Variants in ARL15 observed in about 807,000 individuals in gnomAD.
The protein encoded by ARL15 is ARF like GTPase 15, also known as ADP-ribosylation factor-like protein 15.
Under a neutral mutation model 25.2 loss-of-function variants are expected in ARL15, and 19 were observed. The observed-to-expected ratio is 0.75, with a 90% CI of 0.53 to 1.10. The LOEUF (loss-of-function observed/expected upper bound fraction) is 1.10. Ranked by LOEUF, ARL15 falls within the 50% of genes least tolerant of loss-of-function variation. The probability of loss-of-function intolerance (pLI) is 0.00; values close to 1 mark genes in which losing one functional copy is unlikely to be tolerated. For missense variants in ARL15, 220 were observed against 246.0 expected (o/e 0.89, Z 0.71); for synonymous variants, 94 against 86.8 (o/e 1.08, Z -0.46).
intron 4 of ARL15, among the ~76,000 whole-genome samples, chr5:54,088,636 C>T (rs560553860): frequency 1.3e-5 from 2 of 152,274 alleles, no homozygotes; most frequent in African/African-American, 4.8e-5. Context: ...CACTAGGCAG[C>T]ACAGCCCTAG....
rs149527649 is a variant in ARL15, at chr5:54,145,528, T to C, written c.253+9052A>G. ...TTCCATTTATGGGAATCTAGTTTTATGTTTTTCTGAGAACTTCCATAATCA... is the reference window on the plus strand; with the variant it reads ...TTCCATTTATGGGAATCTAGTTTTACGTTTTTCTGAGAACTTCCATAATCA... On this transcript the variant is annotated intron_variant, in intron 3 of 4. Transcript: ENST00000504924. 4.1e-3 allele frequency among the ~76,000 whole-genome samples: 629 copies of C among 152,256 alleles called. 4 individuals carry two copies. Among genetic ancestry groups the C allele is most frequent in the African/African-American group, 0.014 (584 of 41,550 alleles).
chr5:53,902,230 G>A (rs2111943080), intron 4 of ARL15, among the ~76,000 whole-genome samples: 1 of 152,262 alleles, frequency 6.6e-6, no homozygotes, highest in Middle Eastern at 3.4e-3. Context: ...CACGTCAAAC[G>A]ATTGCTACCT....
At chr5:53,899,347 CAAAAAAAAAAAAAAAAAAAAAAAAAA>C (rs59145507) in intron 4 of ARL15, among the ~76,000 whole-genome samples, 11,840 of 89,510 alleles carry the variant, frequency 0.13, 767 homozygotes, top group Middle Eastern at 0.22. Flanking sequence ...GACTCTATCC[CAAAAAAAAAAAAAAAAAAAAAAAAAA>C]AAAAAAAAAA....
At chr5:54,287,720 A>C (rs1431377794) in intron 1 of ARL15, among the ~76,000 whole-genome samples, 2 of 152,138 alleles carry the variant, frequency 1.3e-5, no homozygotes, top group African/African-American at 4.8e-5. Context: ...CTGCCAAAGG[A>C]ATTTCCATTT....
At chr5:53,920,444 C>A (rs1047621737) in intron 4 of ARL15, among the ~76,000 whole-genome samples, 3 of 151,996 alleles carry the variant, frequency 2.0e-5, no homozygotes, top group African/African-American at 7.2e-5. Flanking sequence ...TTTGCACAGT[C>A]ACTGAGCAAC....
chr5:54,186,537 G>T (rs1214842735), intron 1 of ARL15, among the ~76,000 whole-genome samples: 2 of 152,206 alleles, frequency 1.3e-5, no homozygotes, highest in South Asian at 4.1e-4. Flanking sequence ...GATAAAGGCA[G>T]ATCTATGTGG....
chr5:54,017,587 GA>G (rs34358029), intron 4 of ARL15, among the ~76,000 whole-genome samples: 32,828 of 131,278 alleles, frequency 0.25, 3,743 homozygotes, highest in East Asian at 0.45. Context: ...CTTTGTGGAA[GA>G]AAAAAAAAAA....
chr5:54,269,454 A>G (rs1757721497), intron 1 of ARL15, among the ~76,000 whole-genome samples: 1 of 152,066 alleles, frequency 6.6e-6, no homozygotes, highest in African/African-American at 2.4e-5. Flanking sequence ...TAAGTTTTCA[A>G]TATTTTTAAA....
intron 2 of ARL15, among the ~76,000 whole-genome samples, chr5:54,163,372 T>G (rs1754473469): frequency 2.5e-5 from 2 of 81,332 alleles, no homozygotes; most frequent in African/African-American, 6.6e-5. Context: ...TTTTTTTTTT[T>G]TTTTTTTTTT....
intron 4 of ARL15, among the ~76,000 whole-genome samples, chr5:53,933,698 G>T (rs1257799579): frequency 7.1e-6 from 1 of 140,420 alleles, no homozygotes; most frequent in African/African-American, 2.5e-5. Context: ...ACATCAGAAT[G>T]AACACTTAAA....
intron 4 of ARL15, among the ~76,000 whole-genome samples, chr5:54,012,064 A>C (rs1188820176): frequency 6.6e-6 from 1 of 152,212 alleles, no homozygotes. Context: ...AATTTAAGGT[A>C]GCATTTCTAG....
chr5:54,065,168 T>C (rs1257860482), intron 4 of ARL15, among the ~76,000 whole-genome samples: 2 of 152,216 alleles, frequency 1.3e-5, no homozygotes, highest in African/African-American at 2.4e-5. Context: ...TTTTAATAGT[T>C]TTCTGCTATT....
At chr5:54,308,800 TA>T (rs1758823538) in intron 1 of ARL15, among the ~76,000 whole-genome samples, 1 of 152,232 alleles carries the variant, frequency 6.6e-6, no homozygotes. Flanking sequence ...TTTATAAATT[TA>T]AAACACATCC....
chr5:53,885,926 T>G lies in ARL15; in HGVS notation c.*635A>C, dbSNP rs1306631081. Reference sequence around the variant, plus strand: ...CTTTGCTCTTAAAAGAGAAGAGACTTCAGATGTAATCAAGAAAACATTGTG... The same window carrying G: ...CTTTGCTCTTAAAAGAGAAGAGACTGCAGATGTAATCAAGAAAACATTGTG... On this transcript the variant is annotated 3_prime_UTR_variant, in exon 5 of 5. Transcript: ENST00000504924. The G allele has an allele frequency of 4.6e-5, 7 of 152,136 alleles. No homozygotes were observed. The highest frequency in any genetic ancestry group is 7.2e-5 in the African/African-American group (3 of 41,416). The allele number at this position is 152,136 out of a possible 1,614,324, so 9.4% of individuals were successfully genotyped here.
chr5:53,926,482 C>T (rs1207521124), intron 4 of ARL15, among the ~76,000 whole-genome samples: 1 of 152,170 alleles, frequency 6.6e-6, no homozygotes, highest in Non-Finnish European at 1.5e-5. Context: ...TTCTCCCATA[C>T]TTGTCCTTCT....
Position 54,310,416 on chromosome 5 carries a change from C to T in ARL15, c.48+16G>A, listed in dbSNP as rs1011312005. On this transcript the variant is annotated intron_variant, in intron 1 of 4. Coordinates refer to ENST00000504924, the MANE Select transcript of ARL15 (RefSeq NM_019087.3). ...GAGATCCGAGAGGCGACATGCCACC[C>T]CTGCCCTGCACCTACCAGATAATCC... is the stretch of plus-strand genomic sequence containing the variant. 5.0e-6 allele frequency: 8 copies of T among 1,607,328 alleles called. 1 individual carries two copies. The highest frequency in any genetic ancestry group is 4.5e-5 in the South Asian group (4 of 89,572).
chr5:54,289,144 TGCCCAA>T (rs1561296895), intron 1 of ARL15, among the ~76,000 whole-genome samples: 1 of 152,190 alleles, frequency 6.6e-6, no homozygotes, highest in African/African-American at 2.4e-5. Flanking sequence ...GGATTTTAGA[TGCCCAA>T]GCTGAAGCAC....
chr5:53,890,479 G>A (rs936827719), intron 4 of ARL15, among the ~76,000 whole-genome samples: 3 of 152,148 alleles, frequency 2.0e-5, no homozygotes, highest in Admixed American at 6.5e-5. Context: ...GAACTAGCAC[G>A]GTTAAGTGAA....
intron 1 of ARL15, among the ~76,000 whole-genome samples, chr5:54,270,936 G>A (rs955516076): frequency 6.6e-6 from 1 of 152,196 alleles, no homozygotes; most frequent in Admixed American, 6.5e-5. Context: ...GTGGATGGTG[G>A]TGAAGACAGT....
Sources: allele counts gnomAD v4.1 joint callset (sites outside exome capture counted in the v4.1 genomes callset), GRCh38; gene constraint gnomAD v4.1.1; transcripts MANE v1.5; gene names NCBI Gene and HGNC (gene_info 2026-07-23, HGNC 2026-07-21).